The following ANTXR1 variants were observed in gnomAD, a reference collection of about 807,000 sequenced individuals.
The protein encoded by ANTXR1 is anthrax toxin receptor 1.
A neutral mutation model predicts 78.1 loss-of-function variants in ANTXR1; 19 were observed. The ratio of observed to expected loss-of-function variants is 0.24; its 90% CI spans 0.17 to 0.36. The LOEUF is 0.36. Among genes scored for constraint, ANTXR1 ranks in the 10% least tolerant of loss-of-function variants. The pLI, the probability that ANTXR1 is intolerant of heterozygous loss-of-function variation, is 1.00. For synonymous variants in ANTXR1, 273 were observed against 260.5 expected (o/e 1.05, Z -0.46); for missense variants, 518 against 718.6 (o/e 0.72, Z 3.19).
chr2:69,043,358 A>C (rs376210527), intron 2 of ANTXR1, among the ~76,000 whole-genome samples: 1 of 152,242 alleles, frequency 6.6e-6, no homozygotes, highest in Non-Finnish European at 1.5e-5. Context: ...TAATGAGATC[A>C]TACGTGCAAA....
intron 12 of ANTXR1, chr2:69,135,002 T>C: frequency 2.5e-6 from 1 of 405,630 alleles, no homozygotes; most frequent in Non-Finnish European, 5.1e-6. Flanking sequence ...CAGGATGGCT[T>C]GTGGTTTTAC....
intron 17 of ANTXR1, among the ~76,000 whole-genome samples, chr2:69,221,683 C>CA (rs200296772): frequency 0.062 from 5,012 of 80,406 alleles, 221 homozygotes; most frequent in African/African-American, 0.15. Context: ...TTCCCCACTA[C>CA]AAAAAAAAAA....
chr2:69,184,891 C>T (rs12713674), intron 16 of ANTXR1, among the ~76,000 whole-genome samples: 75,353 of 151,944 alleles, frequency 0.5, 20,919 homozygotes, highest in East Asian at 0.84. Context: ...GCCCAGTGAC[C>T]CAGAATCTCA....
chr2:69,145,836 C>T, intron 12 of ANTXR1: 1 of 987,554 alleles, frequency 1.0e-6, no homozygotes, highest in Non-Finnish European at 1.2e-6. Context: ...CAAACAAGCC[C>T]TGGCAAGATA....
chr2:69,195,973 T>C (rs890280216), intron 17 of ANTXR1, among the ~76,000 whole-genome samples: 1 of 152,148 alleles, frequency 6.6e-6, no homozygotes, highest in Non-Finnish European at 1.5e-5. Flanking sequence ...GGGAGGGTTA[T>C]AGGAAAGAGG....
chr2:69,137,783 C>CAAAA (rs1277649788), intron 12 of ANTXR1, among the ~76,000 whole-genome samples: 3 of 87,066 alleles, frequency 3.4e-5, no homozygotes, highest in African/African-American at 1.3e-4. Context: ...GACCCTGTCT[C>CAAAA]AAAAAAAAAA....
At position 69,149,956 on chromosome 2, in the gene ANTXR1, T is replaced by C. The variant is rs139464424; in HGVS notation, c.952-2213T>C. 9.0e-3 allele frequency among the ~76,000 whole-genome samples: 1,372 copies of C among 152,298 alleles called. 82 individuals carry two copies. Among genetic ancestry groups the C allele is most frequent in the Admixed American group, 0.08 (1,230 of 15,302 alleles). On this transcript the variant is annotated intron_variant, in intron 12 of 17. Transcript: ENST00000303714. ...CATCCCGTCGGCCATGGCATGTCCA[T>C]CGTCTGGCCCCTGTGCTCTCTTCCC... is the stretch of plus-strand genomic sequence containing the variant.
chr2:69,184,870 C>A (rs998578720), intron 16 of ANTXR1, among the ~76,000 whole-genome samples: 10 of 152,176 alleles, frequency 6.6e-5, no homozygotes, highest in African/African-American at 2.4e-4. Flanking sequence ...TTAAAAAATA[C>A]AGATTCCCAG....
At chr2:69,118,224 A>T (rs1672214712) in intron 10 of ANTXR1, among the ~76,000 whole-genome samples, 1 of 139,372 alleles carries the variant, frequency 7.2e-6, no homozygotes. Flanking sequence ...CTGCCTGGGC[A>T]ACATAGGGGA....
chr2:69,122,927 C>T, intron 10 of ANTXR1, 90 bp from the exon 11 acceptor site: 1 of 1,413,546 alleles, frequency 7.1e-7, no homozygotes, highest in Non-Finnish European at 1.0e-6. Context: ...TGGTATCTCC[C>T]TGGACTTGGT....
chr2:69,182,542 A>C lies in ANTXR1; in HGVS notation c.1235A>C (p.Lys412Thr). 6.2e-7 allele frequency: 1 copy of C among 1,614,244 alleles called. No individual in the cohort carries two copies. Among genetic ancestry groups the C allele is most frequent in the Non-Finnish European group, 8.5e-7 (1 of 1,180,044 alleles). The change falls in exon 16 of 18, where the codon AAG becomes ACG. Residue 412 changes from lysine to threonine, a missense_variant. Physicochemically the swap from Lys to Thr is moderately conservative, Grantham distance 78. Around this residue, in one of 5 missense-constraint regions of ANTXR1, gnomAD observed 192 missense variants for 230.2 expected, o/e 0.83. Coordinates refer to ENST00000303714, the MANE Select transcript of ANTXR1 (RefSeq NM_032208.3). ...GSTEEGAKLE[K>T]AKNARVKMPE... ...ACAGAAGAAGGTGCTAAGTTGGAAA[A>C]GGCAAAGAATGCAAGAGTCAAGATG... is the stretch of plus-strand genomic sequence containing the variant.
rs541724723 is a variant in ANTXR1 at position 69,215,021 on chromosome 2, G to T, written c.1434+21606G>T. Among the ~76,000 whole-genome samples the T allele has an allele frequency of 2.0e-5, 3 of 152,038 alleles. No individual in the cohort carries two copies. The East Asian group carries it at 5.8e-4, about 29-fold the overall frequency. On this transcript the variant is annotated intron_variant, in intron 17 of 17. Transcript: ENST00000303714. ...ACTCTGCTCTGCACTTCCTCTGCAC[G>T]ACCCACATCTGGTCCACAAGAAAGA...
At chr2:69,165,578 G>A (rs1032483170) in intron 13 of ANTXR1, among the ~76,000 whole-genome samples, 3 of 152,280 alleles carry the variant, frequency 2.0e-5, no homozygotes, top group Non-Finnish European at 2.9e-5. Flanking sequence ...TCAACAAGGT[G>A]ACAGAGGCAA....
intron 3 of ANTXR1, among the ~76,000 whole-genome samples, chr2:69,055,646 A>G (rs1573818607): frequency 6.6e-6 from 1 of 152,294 alleles, no homozygotes; most frequent in East Asian, 1.9e-4. Context: ...AAGTTCTTTT[A>G]TCTTAAAAAT....
At chr2:69,141,931 C>A (rs1481581063) in intron 12 of ANTXR1, among the ~76,000 whole-genome samples, 1 of 152,172 alleles carries the variant, frequency 6.6e-6, no homozygotes, top group Non-Finnish European at 1.5e-5. Context: ...CAGTGAAGTC[C>A]CCCATGTCGT....
At chr2:69,088,051 G>A (rs938701963) in intron 8 of ANTXR1, among the ~76,000 whole-genome samples, 2 of 152,184 alleles carry the variant, frequency 1.3e-5, no homozygotes, top group Non-Finnish European at 2.9e-5. Context: ...GGAAAGCTGT[G>A]TTTTTACTGG....
intron 3 of ANTXR1, among the ~76,000 whole-genome samples, chr2:69,061,229 C>G (rs909203210): frequency 2.6e-5 from 4 of 152,124 alleles, no homozygotes; most frequent in Admixed American, 6.6e-5. Flanking sequence ...GAAAATTACC[C>G]CTTATTTACC....
intron 2 of ANTXR1, among the ~76,000 whole-genome samples, chr2:69,043,296 G>A (rs1669665902): frequency 6.6e-6 from 1 of 152,126 alleles, no homozygotes; most frequent in Admixed American, 6.5e-5. Context: ...AGTTTGATAT[G>A]AACTATCAGG....
At chr2:69,115,113 C>G (rs1319099198) in intron 10 of ANTXR1, among the ~76,000 whole-genome samples, 2 of 152,212 alleles carry the variant, frequency 1.3e-5, no homozygotes, top group Non-Finnish European at 2.9e-5. Flanking sequence ...CATCCCTGGT[C>G]TCTACCCACT....
Sources: gnomAD v4.1 joint callset for allele counts (sites outside exome capture counted in the v4.1 genomes callset) on GRCh38, gnomAD v4.1.1 for gene constraint, gnomAD v4.1.1 regional missense constraint, MANE v1.5 for transcripts, NCBI Gene and HGNC (gene_info 2026-07-23, HGNC 2026-07-21) for gene names.